ERMP1: variants seen among roughly 807,000 people sequenced by gnomAD.
ERMP1 encodes Felix-ina.
Under a neutral mutation model 92.0 loss-of-function variants are expected in ERMP1, and 86 were observed. The observed-to-expected ratio is 0.93, with a 90% confidence interval of 0.79 to 1.12. ERMP1 has a LOEUF of 1.12. Ranked by LOEUF, ERMP1 falls within the 50% of genes most tolerant of loss-of-function variation. ERMP1 has a pLI of 0.00. For synonymous variants in ERMP1, 530 were observed against 412.8 expected (o/e 1.28, Z -3.44); for missense variants, 1,342 against 1,116.3 (o/e 1.20, Z -2.88).
chr9:5,855,649 C>A (rs1276912133), intron 6 of ERMP1: 2 of 152,604 alleles, frequency 1.3e-5, no homozygotes, highest in African/African-American at 2.4e-5. Context: ...TTCATGAGCT[C>A]TTTCTGCTCA....
chr9:5,814,901 C>G (rs1372005800), intron 4 of ERMP1, among the ~76,000 whole-genome samples: 23 of 152,004 alleles, frequency 1.5e-4, no homozygotes, highest in Admixed American at 1.4e-3. Context: ...CAAGTATAAT[C>G]TATTTAAAAG....
At chr9:5,847,820 A>G (rs1002093694) in intron 6 of ERMP1, among the ~76,000 whole-genome samples, 8 of 151,704 alleles carry the variant, frequency 5.3e-5, no homozygotes, top group Admixed American at 1.3e-4. Flanking sequence ...GCGTGAACCC[A>G]GGAGGCGGAG....
At chr9:5,841,167 C>T (rs1830158204) in intron 6 of ERMP1, among the ~76,000 whole-genome samples, 4 of 152,150 alleles carry the variant, frequency 2.6e-5, no homozygotes, top group Admixed American at 1.3e-4. Flanking sequence ...TTTAGTTCCC[C>T]TTGGTACATT....
rs1444544681 is a variant in ERMP1, at chr9:5,805,110, C to G, written c.1831G>C (p.Gly611Arg). The change falls in exon 10 of 15, where the codon GGG (glycine) becomes CGG (arginine). Residue 611 changes from glycine to arginine, a missense_variant. By Grantham distance (125) the Gly-to-Arg change is moderately radical (BLOSUM62 -2). Transcript: ENST00000339450. ...AVFEMFTPILGRSGSEIPPDV... is the reference protein window; with the variant it reads ...AVFEMFTPILRRSGSEIPPDV... Reference sequence around the variant, plus strand: ...GGTGGGATTTCAGAACCACTTCTCCCGAGGATAGGGGTAAACATCTCAAAT... The same window carrying G: ...GGTGGGATTTCAGAACCACTTCTCCGGAGGATAGGGGTAAACATCTCAAAT... The G allele has an allele frequency of 6.2e-7, 1 of 1,613,312 alleles. No individual in the cohort carries two copies. Among genetic ancestry groups the G allele is most frequent in the South Asian group, 1.1e-5 (1 of 91,014 alleles).
At chr9:5,834,703 A>G (rs62558107), upstream of ERMP1, among the ~76,000 whole-genome samples, 4,248 of 122,970 alleles carry the variant, frequency 0.035, 277 homozygotes, top group African/African-American at 0.12. Context: ...GTATGTATAT[A>G]TGTGTGTGTG....
intron 6 of ERMP1, among the ~76,000 whole-genome samples, chr9:5,843,645 C>T (rs144515639): frequency 1.6e-4 from 25 of 152,322 alleles, no homozygotes; most frequent in African/African-American, 6.0e-4. Flanking sequence ...CCCCCCTCCC[C>T]GCTTCTAGCC....
chr9:5,846,514 T>G (rs1453174296), intron 6 of ERMP1, among the ~76,000 whole-genome samples: 1 of 152,254 alleles, frequency 6.6e-6, no homozygotes, highest in Non-Finnish European at 1.5e-5. Flanking sequence ...GCTGCCAAAG[T>G]ACTTTGCAAT....
intron 4 of ERMP1, among the ~76,000 whole-genome samples, chr9:5,818,639 C>T (rs774786209): frequency 1.3e-5 from 2 of 151,530 alleles, no homozygotes; most frequent in Admixed American, 6.6e-5. Flanking sequence ...CACTTGAGCC[C>T]AGGAGCTGGA....
chr9:5,804,905 A>G (rs1483966518), intron 10 of ERMP1, 122 bp downstream of exon 10: 1 of 731,822 alleles, frequency 1.4e-6, no homozygotes, highest in East Asian at 2.7e-5. Context: ...TTCATTCACC[A>G]TTTCTTCTGC....
At chr9:5,852,629 A>C (rs925997196) in intron 6 of ERMP1, among the ~76,000 whole-genome samples, 1 of 151,342 alleles carries the variant, frequency 6.6e-6, no homozygotes, top group African/African-American at 2.4e-5. Flanking sequence ...GAAGCCAACC[A>C]TTTTAAGAAT....
At chr9:5,846,305 G>A (rs1013757780) in intron 6 of ERMP1, among the ~76,000 whole-genome samples, 8 of 151,970 alleles carry the variant, frequency 5.3e-5, no homozygotes, top group Non-Finnish European at 8.8e-5. Context: ...CCCCTCCCCC[G>A]CCACCCACCC....
chr9:5,812,024 C>A, intron 6 of ERMP1, 101 bp downstream of exon 6: 1 of 717,986 alleles, frequency 1.4e-6, no homozygotes, highest in South Asian at 2.0e-5. Context: ...ACATTGCATA[C>A]TGCCTCTCTA....
rs184620799 is a variant in ERMP1, at chr9:5,829,298, G to A, written c.640+1429C>T. Among the ~76,000 whole-genome samples, 17 of 151,266 alleles carry A rather than the reference G, an allele frequency of 1.1e-4. No individual in the cohort carries two copies. The East Asian group carries it at 2.7e-3, about 24-fold the overall frequency. ...GGTACTTCTGGCTTATTTAACAAAC[G>A]TGTGTATACTGATTTTTGAAAATGC... On this transcript the variant is annotated intron_variant, in intron 2 of 14. Coordinates refer to ENST00000339450, the MANE Select transcript of ERMP1 (RefSeq NM_024896.3).
intron 8 of ERMP1, among the ~76,000 whole-genome samples, chr9:5,809,722 T>C (rs866399084): frequency 2.6e-5 from 4 of 152,178 alleles, no homozygotes; most frequent in African/African-American, 9.7e-5. Context: ...CCAGGACATA[T>C]TTACAAACAC....
At chr9:5,827,813 TC>T (rs1829781806) in intron 2 of ERMP1, among the ~76,000 whole-genome samples, 1 of 140,226 alleles carries the variant, frequency 7.1e-6, no homozygotes, top group African/African-American at 2.8e-5. Flanking sequence ...AGACTCCGTC[TC>T]AAAAAAAAAA....
chr9:5,821,546 T>A, intron 4 of ERMP1, among the ~76,000 whole-genome samples: 1 of 152,236 alleles, frequency 6.6e-6, no homozygotes, highest in East Asian at 1.9e-4. Flanking sequence ...GTAATGTTAG[T>A]CAGTCTGGAC....
At chr9:5,826,413 A>G (rs1829733515) in intron 2 of ERMP1, among the ~76,000 whole-genome samples, 1 of 152,234 alleles carries the variant, frequency 6.6e-6, no homozygotes, top group Non-Finnish European at 1.5e-5. Flanking sequence ...GAGCAAGCTA[A>G]TGATACCTAC....
chr9:5,825,010 T>C, intron 3 of ERMP1, 82 bp downstream of exon 3: 5 of 1,401,782 alleles, frequency 3.6e-6, no homozygotes, highest in Non-Finnish European at 4.9e-6. Flanking sequence ...AAAATGCATT[T>C]ACTATTTAGT....
intron 6 of ERMP1, among the ~76,000 whole-genome samples, chr9:5,841,229 T>TA (rs1830159052): frequency 6.6e-6 from 1 of 152,208 alleles, no homozygotes; most frequent in Admixed American, 6.5e-5. Flanking sequence ...TCTCTATTTT[T>TA]AAAAAATTAT....
Sources: gnomAD v4.1 joint callset for allele counts (sites outside exome capture counted in the v4.1 genomes callset) on GRCh38, gnomAD v4.1.1 for gene constraint, MANE v1.5 for transcripts, NCBI Gene and HGNC (gene_info 2026-07-23, HGNC 2026-07-21) for gene names.